The following RPS29 variants were observed in gnomAD, a reference collection of about 807,000 sequenced individuals.
RPS29 encodes the protein ribosomal protein S29, also known as small ribosomal subunit protein uS14.
For missense variants in RPS29, 60 were observed against 75.7 expected (o/e 0.79, Z 0.77); for synonymous variants, 37 against 26.9 (o/e 1.37, Z -1.16).
chr14:49,582,507 C>CT (rs1286608327), downstream of RPS29, among the ~76,000 whole-genome samples: 2 of 152,100 alleles, frequency 1.3e-5, no homozygotes, highest in Non-Finnish European at 2.9e-5. Context: ...TTTTAACCTG[C>CT]TTTTTTTCAA....
upstream of RPS29, among the ~76,000 whole-genome samples, chr14:49,588,435 A>T (rs900367326): frequency 1.3e-5 from 2 of 152,212 alleles, no homozygotes; most frequent in Non-Finnish European, 2.9e-5. Context: ...CAAACCATGA[A>T]ATTATCCATT....
In RPS29 at chr14:49,586,341, A is replaced by T. The variant is rs774657246; in HGVS notation, c.6T>A (p.Gly2=). Reference sequence around the variant, plus strand: ...GGTGGCTCCAGTACAGCTGCTGGTGACCCATCTTGCTCTCAGCAGTGCAAC... The same window carrying T: ...GGTGGCTCCAGTACAGCTGCTGGTGTCCCATCTTGCTCTCAGCAGTGCAAC... The part of the protein sequence containing the change: M[G]HQQLYWSHPR... Residue 2 remains glycine (G), a synonymous_variant, in exon 1 of 3, where the codon GGT becomes GGA. Coordinates refer to ENST00000245458, the MANE Select transcript of RPS29 (RefSeq NM_001032.5). 1 of 1,613,700 alleles carries T rather than the reference A, an allele frequency of 6.2e-7. No homozygotes were observed. The highest frequency in any genetic ancestry group is 8.5e-7 in the Non-Finnish European group (1 of 1,179,752).
At chr14:49,585,471 T>C (rs781396688) in intron 2 of RPS29, 2 of 186,682 alleles carry the variant, frequency 1.1e-5, no homozygotes, top group Non-Finnish European at 2.2e-5. Context: ...TCCCAGCTAC[T>C]CGGGACGCCA....
At chr14:49,577,006 C>T (rs1299474187) in exon 3 of RPS29, 1 of 152,260 alleles carries the variant, frequency 6.6e-6, no homozygotes, top group Non-Finnish European at 1.5e-5. Flanking sequence ...CTTTGGGAAG[C>T]TGAGGTGGGA....
At chr14:49,572,603 G>A (rs542859096) in exon 3 of RPS29, 20 of 152,222 alleles carry the variant, frequency 1.3e-4, no homozygotes, top group African/African-American at 4.3e-4. Flanking sequence ...ACAAATTAAA[G>A]TCATTAACAA....
At chr14:49,582,720 G>A (rs533699816), downstream of RPS29, among the ~76,000 whole-genome samples, 12 of 152,310 alleles carry the variant, frequency 7.9e-5, no homozygotes, top group Non-Finnish European at 1.8e-4. Flanking sequence ...GAGGCACAGG[G>A]TATACCCTAA....
exon 3 of RPS29, chr14:49,574,755 G>C (rs763601215): frequency 6.6e-6 from 1 of 152,226 alleles, no homozygotes; most frequent in African/African-American, 2.4e-5. Context: ...GCTGGGTCTG[G>C]TGAGCTGACT....
exon 3 of RPS29, chr14:49,576,053 T>C (rs1031492196): frequency 6.6e-6 from 1 of 151,922 alleles, no homozygotes; most frequent in African/African-American, 2.4e-5. Context: ...ACACATATAC[T>C]CAGTCTATCT....
downstream of RPS29, among the ~76,000 whole-genome samples, chr14:49,582,763 CG>C (rs1473134430): frequency 1.3e-5 from 2 of 152,156 alleles, no homozygotes; most frequent in African/African-American, 4.8e-5. Context: ...CAGATGACAA[CG>C]TGTCAAATCC....
exon 3 of RPS29, chr14:49,573,103 G>GAAAGAAAGAAA (rs1566473648): frequency 1.7e-4 from 24 of 142,560 alleles, no homozygotes; most frequent in African/African-American, 6.3e-4. Flanking sequence ...AAAGAAAGAA[G>GAAAGAAAGAAA]GAAAGAAAGA....
At chr14:49,581,074 C>T (rs1320168725), downstream of RPS29, among the ~76,000 whole-genome samples, 3 of 151,918 alleles carry the variant, frequency 2.0e-5, no homozygotes, top group African/African-American at 7.3e-5. Context: ...GTAATCCCAG[C>T]TACTCAGGAG....
At chr14:49,577,929 A>C in intron 2 of RPS29, 2 of 1,019,230 alleles carry the variant, frequency 2.0e-6, no homozygotes, top group Non-Finnish European at 1.5e-6. Context: ...TTTGTACTGC[A>C]TGCCTGCCCT....
upstream of RPS29, among the ~76,000 whole-genome samples, chr14:49,587,306 C>G (rs191076009): frequency 1.9e-3 from 286 of 152,208 alleles, no homozygotes; most frequent in Non-Finnish European, 3.3e-3. Context: ...TAATGAAAAG[C>G]AAATGCAAAA....
chr14:49,573,107 A>AAG (rs1881096047), exon 3 of RPS29: 1 of 145,886 alleles, frequency 6.9e-6, no homozygotes, highest in Non-Finnish European at 1.5e-5. Context: ...AAAGAAGGAA[A>AAG]GAAAGAAAGA....
chr14:49,588,674 C>T (rs1201330652), upstream of RPS29, among the ~76,000 whole-genome samples: 1 of 151,652 alleles, frequency 6.6e-6, no homozygotes, highest in African/African-American at 2.4e-5. Context: ...ATTACAGGCA[C>T]GTGCCACCAC....
At chr14:49,573,367 C>G (rs1384942184) in exon 3 of RPS29, 2 of 149,874 alleles carry the variant, frequency 1.3e-5, no homozygotes, top group Admixed American at 6.7e-5. Flanking sequence ...ACTCCAGAGG[C>G]TAAGTTAAGG....
chr14:49,581,877 A>G (rs1312155497), downstream of RPS29, among the ~76,000 whole-genome samples: 3 of 151,778 alleles, frequency 2.0e-5, no homozygotes, highest in Non-Finnish European at 4.4e-5. Flanking sequence ...ACAAAATATT[A>G]TCCTGGCATG....
intron 1 of RPS29, 48 bp downstream of exon 1, chr14:49,586,237 C>G: frequency 1.9e-6 from 3 of 1,585,872 alleles, no homozygotes; most frequent in Non-Finnish European, 2.6e-6. Flanking sequence ...TTTAAGCAGC[C>G]TAGCGCTCCA....
upstream of RPS29, among the ~76,000 whole-genome samples, chr14:49,589,367 GA>G: frequency 6.6e-6 from 1 of 151,172 alleles, no homozygotes; most frequent in South Asian, 2.1e-4. Context: ...TTTTTCTTTT[GA>G]AAAACTAAAA....
Sources: allele counts gnomAD v4.1 joint callset (sites outside exome capture counted in the v4.1 genomes callset), GRCh38; gene constraint gnomAD v4.1.1; transcripts MANE v1.5; gene names NCBI Gene and HGNC (gene_info 2026-07-23, HGNC 2026-07-21).